VSNL1: variants seen among roughly 807,000 people sequenced by gnomAD.
The protein encoded by VSNL1 is visinin-like protein 1.
VSNL1 carries 6 observed loss-of-function variants against 20.4 expected under a neutral mutation model. The observed-to-expected ratio is 0.29, with a 90% CI of 0.16 to 0.58. VSNL1 has a LOEUF of 0.58. Ranked by LOEUF, VSNL1 falls within the 20% of genes least tolerant of loss-of-function variation. The pLI is 0.90. For synonymous variants in VSNL1, 93 were observed against 86.4 expected, an observed-to-expected ratio of 1.08 and a Z score of -0.42; for missense variants, 100 against 234.5, an observed-to-expected ratio of 0.43 and a Z score of 3.75.
chr2:17,649,962 G>A lies in VSNL1; in HGVS notation c.378+337G>A, dbSNP rs539222277. On this transcript the variant is annotated intron_variant, in intron 3 of 3. Coordinates refer to ENST00000295156, the MANE Select transcript of VSNL1 (RefSeq NM_003385.5). This position sits in a 1 kb window ranked among gnomAD's most constrained non-coding sequence, Gnocchi z 6.4. ...CTCTGCTCTGCCTCACTCCAGCTGCGCCTAGTGGGGACCCGAGGCTGTCAG... is the reference window on the plus strand; with the variant it reads ...CTCTGCTCTGCCTCACTCCAGCTGCACCTAGTGGGGACCCGAGGCTGTCAG... Among the ~76,000 whole-genome samples the A allele has an allele frequency of 1.9e-4, 29 of 152,276 alleles. No homozygotes were observed. In the South Asian group the frequency reaches 5.8e-3, roughly 31 times the overall value.
chr2:17,586,307 C>T (rs1664471164), intron 1 of VSNL1, among the ~76,000 whole-genome samples: 1 of 152,118 alleles, frequency 6.6e-6, no homozygotes, highest in Non-Finnish European at 1.5e-5. Context: ...GATCATATTC[C>T]CCTGAGTTGC....
At chr2:17,616,699 G>A (rs1665224980) in intron 2 of VSNL1, among the ~76,000 whole-genome samples, 1 of 152,184 alleles carries the variant, frequency 6.6e-6, no homozygotes, top group South Asian at 2.1e-4. Context: ...AAGTTAACTG[G>A]TGAATAAGGT....
At chr2:17,650,125 T>C (rs978057099) in intron 3 of VSNL1, among the ~76,000 whole-genome samples, 2 of 152,142 alleles carry the variant, frequency 1.3e-5, no homozygotes, top group African/African-American at 4.8e-5. Context: ...GTCTTCTTGG[T>C]TTTCTTCTAA....
At position 17,655,455 on chromosome 2, in the gene VSNL1, T is replaced by TCTCA. The variant is rs747824196; in HGVS notation, c.*62_*63insTCAC. 8 of 537,442 alleles carry TCTCA rather than the reference T, an allele frequency of 1.5e-5. No individual in the cohort carries two copies. The highest frequency in any genetic ancestry group is 1.4e-4 in the Admixed American group (5 of 35,856). The allele number at this position is 537,442 out of a possible 1,614,324, so 33.3% of individuals were successfully genotyped here. A position where few individuals can be genotyped will look rare whatever the true frequency, so the allele number is the denominator to read the frequency against. On this transcript the variant is annotated 3_prime_UTR_variant, in exon 4 of 4. Transcript: ENST00000295156. This position sits in a 1 kb window ranked among gnomAD's most constrained non-coding sequence, Gnocchi z 5.2. ...AATGTTCCATTCAGTCTGCAGCTAT[T>TCTCA]CACACACACACACACACACACACAC...
At chr2:17,569,799 G>T (rs185517740) in intron 1 of VSNL1, among the ~76,000 whole-genome samples, 3 of 152,094 alleles carry the variant, frequency 2.0e-5, no homozygotes, top group Admixed American at 2.0e-4. Context: ...TCTTTAACAA[G>T]AAATTACTGA....
At chr2:17,556,930 T>C (rs1663696960) in intron 1 of VSNL1, among the ~76,000 whole-genome samples, 1 of 152,180 alleles carries the variant, frequency 6.6e-6, no homozygotes, top group Non-Finnish European at 1.5e-5. Flanking sequence ...TCAAGGTCTT[T>C]TCACTTTTCA....
chr2:17,574,530 G>A (rs1664160748), intron 1 of VSNL1, among the ~76,000 whole-genome samples: 1 of 152,184 alleles, frequency 6.6e-6, no homozygotes. Context: ...GCGTATTCAA[G>A]TTAGTCCTTT....
chr2:17,545,534 C>A (rs888345088), intron 1 of VSNL1, among the ~76,000 whole-genome samples: 2 of 152,120 alleles, frequency 1.3e-5, no homozygotes, highest in Non-Finnish European at 2.9e-5. Context: ...TTAGATCATG[C>A]TCTCTTGAGC....
At chr2:17,555,055 A>G (rs930017861) in intron 1 of VSNL1, among the ~76,000 whole-genome samples, 2 of 151,820 alleles carry the variant, frequency 1.3e-5, no homozygotes, top group Admixed American at 6.6e-5. Context: ...CTTTGTGCAC[A>G]TAACTCTGAC....
intron 1 of VSNL1, among the ~76,000 whole-genome samples, chr2:17,578,632 A>G (rs1428128031): frequency 1.3e-5 from 2 of 152,314 alleles, no homozygotes; most frequent in South Asian, 2.1e-4. Context: ...CAGAAGGCCC[A>G]CGGCTGGGAG....
intron 2 of VSNL1, among the ~76,000 whole-genome samples, chr2:17,622,126 G>C (rs765873424): frequency 2.0e-5 from 3 of 151,558 alleles, no homozygotes; most frequent in Non-Finnish European, 4.4e-5. Flanking sequence ...CAAATCCAGA[G>C]GTATTCCAAA....
chr2:17,585,863 T>A (rs1166627158), intron 1 of VSNL1, among the ~76,000 whole-genome samples: 1 of 151,224 alleles, frequency 6.6e-6, no homozygotes, highest in Non-Finnish European at 1.5e-5. Flanking sequence ...TGGAGTACAA[T>A]GGTGCGATCT....
At chr2:17,600,253 C>T (rs1664794773) in intron 2 of VSNL1, among the ~76,000 whole-genome samples, 1 of 152,218 alleles carries the variant, frequency 6.6e-6, no homozygotes, top group South Asian at 2.1e-4. Context: ...TCAGTTTTCT[C>T]ACCTGTCAAA....
At chr2:17,580,208 A>C in intron 1 of VSNL1, among the ~76,000 whole-genome samples, 1 of 152,176 alleles carries the variant, frequency 6.6e-6, no homozygotes, top group Non-Finnish European at 1.5e-5. Flanking sequence ...ATAGATCACC[A>C]CTTCTGGGTG....
chr2:17,622,613 G>A (rs201804071), intron 2 of VSNL1, among the ~76,000 whole-genome samples: 51 of 134,888 alleles, frequency 3.8e-4, no homozygotes, highest in Admixed American at 8.7e-4. Flanking sequence ...AAGAAAGAAA[G>A]ATCTTCAATG....
intron 2 of VSNL1, among the ~76,000 whole-genome samples, chr2:17,601,671 A>G (rs1031648485): frequency 6.6e-6 from 1 of 151,622 alleles, no homozygotes; most frequent in Non-Finnish European, 1.5e-5. Context: ...ATGGTGGCTC[A>G]TGCCTGTAAT....
At chr2:17,596,316 G>A (rs758527442) in intron 2 of VSNL1, among the ~76,000 whole-genome samples, 5 of 152,194 alleles carry the variant, frequency 3.3e-5, no homozygotes, top group Non-Finnish European at 5.9e-5. Flanking sequence ...GGAAGAAAGC[G>A]TTTGAATTTT....
chr2:17,586,288 T>A (rs1470972536), intron 1 of VSNL1, among the ~76,000 whole-genome samples: 1 of 152,222 alleles, frequency 6.6e-6, no homozygotes, highest in Admixed American at 6.5e-5. Context: ...ATTTCCCAAG[T>A]TGACTCATGA....
chr2:17,580,601 G>A (rs1230313163), intron 1 of VSNL1, among the ~76,000 whole-genome samples: 1 of 152,160 alleles, frequency 6.6e-6, no homozygotes, highest in Non-Finnish European at 1.5e-5. Context: ...TTGAACTTCA[G>A]TTTTCTCATC....
Sources: gnomAD v4.1 joint callset for allele counts (sites outside exome capture counted in the v4.1 genomes callset) on GRCh38, gnomAD v4.1.1 for gene constraint, Gnocchi (gnomAD v3.1) non-coding constraint, MANE v1.5 for transcripts, NCBI Gene and HGNC (gene_info 2026-07-23, HGNC 2026-07-21) for gene names.